ZNF665: variants seen among roughly 807,000 people sequenced by gnomAD.
ZNF665 encodes zinc finger protein 665.
A neutral mutation model predicts 7.9 loss-of-function variants in ZNF665; 6 were observed. The ratio of observed to expected loss-of-function variants is 0.76; its 90% CI spans 0.42 to 1.50. The LOEUF is 1.50. Among genes scored for constraint, ZNF665 ranks in the 40% most tolerant of loss-of-function variants. ZNF665 has a pLI of 0.01. For missense variants in ZNF665, 819 were observed against 806.7 expected (o/e 1.02, Z -0.18); for synonymous variants, 242 against 274.5 (o/e 0.88, Z 1.17).
rs561977125 is a variant in ZNF665, at chr19:53,166,338, C to T, written c.152G>A (p.Cys51Tyr). 4.8e-5 allele frequency: 75 copies of T among 1,571,000 alleles called. No homozygotes were observed. The South Asian group carries it at 5.2e-4, about 11-fold the overall frequency. ...TGGCAAATCCGTGTTTACACATTTA[C>T]AAGAGATATCTGTAAGATATAAACA... ...YRNLVSLDIS[C>Y]KCVNTDLPPK... The change falls in exon 4 of 4, where the codon TGT becomes TAT. Residue 51 changes from cysteine (C) to tyrosine (Y), a missense_variant. By Grantham distance (194) the Cys-to-Tyr change is radical (BLOSUM62 -2). Coordinates refer to ENST00000396424, the MANE Select transcript of ZNF665 (RefSeq NM_024733.5).
chr19:53,170,680 C>T (rs1347139979), intron 3 of ZNF665, among the ~76,000 whole-genome samples: 2 of 152,170 alleles, frequency 1.3e-5, no homozygotes, highest in East Asian at 1.9e-4. Context: ...TTAATGAACA[C>T]GTAGTTTGAT....
intron 2 of ZNF665, among the ~76,000 whole-genome samples, chr19:53,175,965 A>T (rs911062593): frequency 3.3e-5 from 5 of 152,140 alleles, no homozygotes; most frequent in African/African-American, 1.2e-4. Context: ...GTTTGAGACA[A>T]GCCTGGCCAA....
intron 2 of ZNF665, among the ~76,000 whole-genome samples, chr19:53,176,918 G>T (rs991220699): frequency 6.6e-6 from 1 of 152,120 alleles, no homozygotes; most frequent in African/African-American, 2.4e-5. Context: ...TCAGGAGTTC[G>T]AGACGAGCCT....
Position 53,165,641 on chromosome 19 carries a change from G to A in ZNF665, c.849C>T (p.Ile283=), listed in dbSNP as rs1339062872. 1.2e-6 allele frequency: 2 copies of A among 1,613,802 alleles called. No individual in the cohort carries two copies. The highest frequency in any genetic ancestry group is 2.2e-5 in the East Asian group (1 of 44,844). The change falls in exon 4 of 4, where the codon ATC becomes ATT. Residue 283 remains isoleucine, a synonymous_variant. Transcript: ENST00000396424. The stretch of plus-strand genomic sequence containing the variant: ...ATTTGTAAGGTTTTTCTCCAGTATG[G>A]ATGACCTGATGTGTAGTTAGTTTTG... The part of the protein sequence containing the change: ...AHSKLTTHQV[I]HTGEKPYKCK...
At chr19:53,167,766 G>T (rs1376465937) in intron 3 of ZNF665, among the ~76,000 whole-genome samples, 1 of 149,296 alleles carries the variant, frequency 6.7e-6, no homozygotes, top group Non-Finnish European at 1.5e-5. Context: ...CTTGAGAAAA[G>T]AGGAGTCTGC....
At chr19:53,184,748 C>A (rs1384514113) in intron 1 of ZNF665, among the ~76,000 whole-genome samples, 1 of 152,112 alleles carries the variant, frequency 6.6e-6, no homozygotes, top group African/African-American at 2.4e-5. Context: ...GGGACCACTA[C>A]CACCAAGACG....
At chr19:53,189,578 C>T (rs2090799987) in intron 1 of ZNF665, among the ~76,000 whole-genome samples, 2 of 147,314 alleles carry the variant, frequency 1.4e-5, no homozygotes, top group African/African-American at 5.0e-5. Context: ...TTAGTACTTT[C>T]CCTAATTTAC....
At chr19:53,183,384 A>C (rs4640295) in intron 1 of ZNF665, among the ~76,000 whole-genome samples, 147,465 of 152,262 alleles carry the variant, frequency 0.97, 71,444 homozygotes, top group Non-Finnish European at 0.99. Flanking sequence ...AGAACAGAAC[A>C]AATCTTAAAT....
In ZNF665 at chr19:53,166,175, A is replaced by G; in HGVS notation, c.315T>C (p.Asp105=). ...TAAGTACTGTTTTATAATTTCCTTC[A>G]TCATCTTTCCACTGACACTCAAAGT... ...TYDFECQWKD[D]EGNYKTVLML... The change falls in exon 4 of 4, where the codon GAT becomes GAC. Residue 105 remains aspartate (D), a synonymous_variant. Transcript: ENST00000396424. 1.2e-6 allele frequency: 2 copies of G among 1,613,880 alleles called. No individual in the cohort carries two copies. Among genetic ancestry groups the G allele is most frequent in the Non-Finnish European group, 1.7e-6 (2 of 1,179,890 alleles).
At chr19:53,176,775 C>T (rs2090701494) in intron 2 of ZNF665, among the ~76,000 whole-genome samples, 1 of 152,188 alleles carries the variant, frequency 6.6e-6, no homozygotes, top group Non-Finnish European at 1.5e-5. Context: ...ATGGAAAACC[C>T]AACACATCTG....
chr19:53,185,280 A>G (rs562320582), intron 1 of ZNF665, among the ~76,000 whole-genome samples: 126 of 151,894 alleles, frequency 8.3e-4, no homozygotes, highest in African/African-American at 2.9e-3. Flanking sequence ...TTGGCAACGG[A>G]CGTCTTCCCA....
chr19:53,192,052 C>A (rs1205921702), intron 1 of ZNF665, among the ~76,000 whole-genome samples: 1 of 151,856 alleles, frequency 6.6e-6, no homozygotes. Context: ...GTCTCTGCTC[C>A]TCATTTTGAG....
chr19:53,166,366 CA>C lies in ZNF665; in HGVS notation c.143-20del. 6.6e-7 allele frequency: 1 copy of C among 1,520,864 alleles called. No homozygotes were observed. Among genetic ancestry groups the C allele is most frequent in the Non-Finnish European group, 8.8e-7 (1 of 1,136,770 alleles). The allele number at this position is 1,520,864 out of a possible 1,614,324, so 94.2% of individuals were successfully genotyped here. A position where few individuals can be genotyped will look rare whatever the true frequency, so the allele number is the denominator to read the frequency against. On this transcript the variant is annotated intron_variant, in intron 3 of 3. Transcript: ENST00000396424. ...GAGATATCTGTAAGATATAAACAAC[CA>C]TAGATTTCCAGTTAACTATAGTAGG... is the stretch of plus-strand genomic sequence containing the variant.
At position 53,185,598 on chromosome 19, in the gene ZNF665, C is replaced by T. The variant is rs28568896; in HGVS notation, c.-45-2655G>A. ...AACAGCTCGTGTCCTTGGTCTCTTG[C>T]CTCAGCACCTGGGTGGCTTGCCACC... On this transcript the variant is annotated intron_variant, in intron 1 of 3. Transcript: ENST00000396424. Among the ~76,000 whole-genome samples the T allele has an allele frequency of 7.3e-3, 1,103 of 152,126 alleles. 39 individuals are homozygous for T. The highest frequency in any genetic ancestry group is 0.026 in the African/African-American group (1,073 of 41,464).
intron 3 of ZNF665, among the ~76,000 whole-genome samples, chr19:53,173,691 CT>C: frequency 6.6e-6 from 1 of 151,936 alleles, no homozygotes; most frequent in South Asian, 2.1e-4. Flanking sequence ...TCTTTTTATT[CT>C]GTTCCACTGG....
chr19:53,164,297 C>T lies in ZNF665; in HGVS notation c.*156G>A, dbSNP rs146632398. ...GGATTACAGGCGTGCACCACCACAC[C>T]CAGCTAATTTTTGTATTTTTAGTAG... On this transcript the variant is annotated 3_prime_UTR_variant, in exon 4 of 4. Coordinates refer to ENST00000396424, the MANE Select transcript of ZNF665 (RefSeq NM_024733.5). 2 of 590,840 alleles carry T rather than the reference C, an allele frequency of 3.4e-6. No homozygotes were observed. Among genetic ancestry groups the T allele is most frequent in the East Asian group, 5.9e-5 (2 of 33,948 alleles). 36.6% of individuals were successfully genotyped at this position (590,840 alleles called of 1,614,324 possible).
rs10427112 is a variant in ZNF665, at chr19:53,164,239, G to A, written c.*214C>T. The A allele has an allele frequency of 0.027, 9,912 of 364,062 alleles. 448 individuals are homozygous for A. Among genetic ancestry groups the A allele is most frequent in the African/African-American group, 0.13 (6,249 of 47,672 alleles). The allele number at this position is 364,062 out of a possible 1,614,324, so 22.6% of individuals were successfully genotyped here. ...TGCAACCTCCGCCTCCCAGGTTCAA[G>A]TGATTCTCCTGCCTCAGCCTCCCGA... is the stretch of plus-strand genomic sequence containing the variant. On this transcript the variant is annotated 3_prime_UTR_variant, in exon 4 of 4. Transcript: ENST00000396424.
rs1368814020 is a variant in ZNF665 at position 53,165,538 on chromosome 19, A to G, written c.952T>C (p.Tyr318His). The G allele has an allele frequency of 6.2e-7, 1 of 1,613,962 alleles. No individual in the cohort carries two copies. The highest frequency in any genetic ancestry group is 1.7e-5 in the Admixed American group (1 of 59,990). ...GCTTTGCCACACTCATTACACTTGT[A>G]AGGCTTCTCCCCAGTATGAATTCTT... The part of the protein sequence containing the change: ...HRRIHTGEKP[Y>H]KCNECGKAFS... Residue 318 changes from tyrosine (Y) to histidine (H), a missense_variant, in exon 4 of 4, where the codon TAC becomes CAC. Coordinates refer to ENST00000396424, the MANE Select transcript of ZNF665 (RefSeq NM_024733.5).
chr19:53,172,653 T>G (rs957599383), intron 3 of ZNF665, among the ~76,000 whole-genome samples: 6 of 151,952 alleles, frequency 3.9e-5, no homozygotes, highest in Non-Finnish European at 7.4e-5. Context: ...GGTGAAACCC[T>G]GTCTCTACCA....
Sources: allele counts gnomAD v4.1 joint callset (sites outside exome capture counted in the v4.1 genomes callset), GRCh38; gene constraint gnomAD v4.1.1; transcripts MANE v1.5; gene names NCBI Gene and HGNC (gene_info 2026-07-23, HGNC 2026-07-21).